The following ADAMTS15 variants were observed in gnomAD, a reference collection of about 807,000 sequenced individuals.
The protein encoded by ADAMTS15 is ADAM metallopeptidase with thrombospondin type 1 motif 15.
In ADAMTS15, 35 loss-of-function variants were observed where a neutral mutation model predicts 79.1. The observed-to-expected ratio is 0.44, with a 90% CI of 0.34 to 0.59. ADAMTS15 has a LOEUF of 0.59. ADAMTS15 is among the 20% of genes least tolerant of loss of function. The pLI, the probability that ADAMTS15 is intolerant of heterozygous loss-of-function variation, is 0.02. For missense variants in ADAMTS15, 1,324 were observed against 1,318.7 expected (o/e 1.00, Z -0.06); for synonymous variants, 616 against 567.3 (o/e 1.09, Z -1.22).
At position 130,475,729 on chromosome 11, in the gene ADAMTS15, T is replaced by A. The variant is rs1938570896; in HGVS notation, c.*1908T>A. 1 of 152,394 alleles carries A rather than the reference T, an allele frequency of 6.6e-6. No individual in the cohort carries two copies. Among genetic ancestry groups the A allele is most frequent in the Non-Finnish European group, 1.5e-5 (1 of 68,162 alleles). The allele number at this position is 152,394 out of a possible 1,614,324, so 9.4% of individuals were successfully genotyped here. A position where few individuals can be genotyped will look rare whatever the true frequency, so the allele number is the denominator to read the frequency against. On this transcript the variant is annotated 3_prime_UTR_variant, in exon 8 of 8. Transcript: ENST00000299164. ...AGAACTAAGTGAACAGGAACCCCTC[T>A]GTGCCAGTGACCACTGTGGGGCTAA...
intron 5 of ADAMTS15, among the ~76,000 whole-genome samples, chr11:130,469,793 A>G (rs1938383081): frequency 6.6e-6 from 1 of 152,180 alleles, no homozygotes; most frequent in Non-Finnish European, 1.5e-5. Context: ...TGCCCAGCCC[A>G]TCTTTGTAAG....
chr11:130,466,351 T>A (rs1033174482), intron 4 of ADAMTS15, among the ~76,000 whole-genome samples: 2 of 152,196 alleles, frequency 1.3e-5, no homozygotes, highest in African/African-American at 4.8e-5. Flanking sequence ...ACAGACTTGC[T>A]TCTCTAAGGG....
At chr11:130,453,228 C>T (rs1206526646) in intron 1 of ADAMTS15, among the ~76,000 whole-genome samples, 1 of 151,480 alleles carries the variant, frequency 6.6e-6, no homozygotes, top group Admixed American at 6.6e-5. Context: ...GATGCCCTCT[C>T]CTCCATTCCA....
chr11:130,457,799 C>T (rs774909423), intron 1 of ADAMTS15, among the ~76,000 whole-genome samples: 2 of 152,172 alleles, frequency 1.3e-5, no homozygotes, highest in African/African-American at 2.4e-5. Context: ...CACTCGTAGG[C>T]GTTCAAAGTG....
At chr11:130,450,398 G>T (rs1224407263) in intron 1 of ADAMTS15, 1 of 985,346 alleles carries the variant, frequency 1.0e-6, no homozygotes, top group African/African-American at 1.7e-5. Context: ...CAAGGTCAGC[G>T]CTTGCTACAT....
intron 1 of ADAMTS15, among the ~76,000 whole-genome samples, chr11:130,457,718 C>T (rs1335758248): frequency 6.6e-6 from 1 of 152,178 alleles, no homozygotes; most frequent in Non-Finnish European, 1.5e-5. Flanking sequence ...GTTTTAGTGC[C>T]TCTGAGTTCA....
intron 4 of ADAMTS15, among the ~76,000 whole-genome samples, chr11:130,466,682 C>T (rs1406439463): frequency 6.6e-6 from 1 of 152,214 alleles, no homozygotes; most frequent in Non-Finnish European, 1.5e-5. Flanking sequence ...CAGATGATTC[C>T]CGCCATGGCA....
At chr11:130,465,788 T>G (rs1454557536) in intron 4 of ADAMTS15, among the ~76,000 whole-genome samples, 2 of 151,946 alleles carry the variant, frequency 1.3e-5, no homozygotes, top group Non-Finnish European at 2.9e-5. Flanking sequence ...GTTGTCCTCC[T>G]CCTCCTCACG....
rs869166777 is a variant in ADAMTS15, at chr11:130,470,154, GTATATATATA to G, written c.1720+733_1721-739del. On this transcript the variant is annotated intron_variant, in intron 5 of 7. Transcript: ENST00000299164. ...TATACATATATATATATATATATGT[GTATATATATA>G]TATATATATATATATATGTGTGTAT... 4.1e-4 allele frequency among the ~76,000 whole-genome samples: 23 copies of G among 55,554 alleles called. 3 individuals carry two copies. Among genetic ancestry groups the G allele is most frequent in the East Asian group, 3.3e-3 (8 of 2,418 alleles). 36.4% of individuals were successfully genotyped at this position (55,554 alleles called of 152,430 possible).
At chr11:130,455,892 G>T (rs1019120531) in intron 1 of ADAMTS15, among the ~76,000 whole-genome samples, 1 of 152,142 alleles carries the variant, frequency 6.6e-6, no homozygotes, top group Non-Finnish European at 1.5e-5. Flanking sequence ...CTCTCCCCAG[G>T]CCTCTCCCCA....
Position 130,473,366 on chromosome 11 carries a change from C to G in ADAMTS15, c.2398C>G (p.Leu800Val). Residue 800 changes from leucine to valine, a missense_variant, in exon 8 of 8, where the codon CTG becomes GTG. Transcript: ENST00000299164. ...TPPRVRYSFY[L>V]PKEPREDKSS... ...GCCCCGGGTCCGCTACTCCTTCTAT[C>G]TGCCCAAAGAGCCTCGGGAGGACAA... 2.5e-6 allele frequency: 4 copies of G among 1,612,882 alleles called. No individual in the cohort carries two copies. The South Asian group carries it at 4.4e-5, about 18-fold the overall frequency.
At chr11:130,471,613 A>T (rs1938462559) in intron 7 of ADAMTS15, among the ~76,000 whole-genome samples, 1 of 152,136 alleles carries the variant, frequency 6.6e-6, no homozygotes, top group Non-Finnish European at 1.5e-5. Flanking sequence ...TGCTGGGGGA[A>T]GACCCACTTA....
chr11:130,470,150 A>ATATG (rs1565397590), intron 5 of ADAMTS15, among the ~76,000 whole-genome samples: 1 of 53,174 alleles, frequency 1.9e-5, no homozygotes, highest in African/African-American at 9.0e-5. Flanking sequence ...ATATATATAT[A>ATATG]TGTGTATATA....
intron 1 of ADAMTS15, among the ~76,000 whole-genome samples, chr11:130,457,794 G>A (rs904487939): frequency 9.2e-5 from 14 of 152,186 alleles, no homozygotes; most frequent in African/African-American, 2.2e-4. Flanking sequence ...ATAAGCACTC[G>A]TAGGCGTTCA....
rs144558172 is a variant in ADAMTS15 at position 130,473,462 on chromosome 11, G to A, written c.2494G>A (p.Val832Met). ...HNSVLSLSNQ[V>M]EQPDDRPPAR... Reference sequence around the variant, plus strand: ...CAGCGTCCTCAGCCTCTCCAACCAGGTGGAGCAGCCGGACGACAGGCCCCC... The same window carrying A: ...CAGCGTCCTCAGCCTCTCCAACCAGATGGAGCAGCCGGACGACAGGCCCCC... The change falls in exon 8 of 8, where the codon GTG becomes ATG. Residue 832 changes from valine (V) to methionine (M), a missense_variant. Val to Met is a conservative substitution (Grantham distance 21). Transcript: ENST00000299164. 218 of 1,612,224 alleles carry A rather than the reference G, an allele frequency of 1.4e-4. No homozygotes were observed. The highest frequency in any genetic ancestry group is 1.6e-4 in the Middle Eastern group (1 of 6,084).
At position 130,449,622 on chromosome 11, in the gene ADAMTS15, C is replaced by A; in HGVS notation, c.649C>A (p.Pro217Thr). The change falls in exon 1 of 8, where the codon CCG becomes ACG. Residue 217 changes from proline to threonine, a missense_variant. Pro to Thr is a conservative substitution (Grantham distance 38). Coordinates refer to ENST00000299164, the MANE Select transcript of ADAMTS15 (RefSeq NM_139055.4). The surrounding 1 kb of genome is among the most constrained non-coding windows in gnomAD (Gnocchi z 7.8). ...SGRAKRFVSI[P>T]RYVETLVVAD... ...GCGCGCCAAGCGTTTCGTGTCTATC[C>A]CGCGGTACGTGGAGACGCTGGTGGT... 6.2e-7 allele frequency: 1 copy of A among 1,605,312 alleles called. No homozygotes were observed. The highest frequency in any genetic ancestry group is 8.5e-7 in the Non-Finnish European group (1 of 1,176,456).
At chr11:130,457,231 A>C (rs985796482) in intron 1 of ADAMTS15, among the ~76,000 whole-genome samples, 18 of 91,654 alleles carry the variant, frequency 2.0e-4, no homozygotes, top group South Asian at 5.4e-4. Flanking sequence ...ACTCAGTCTC[A>C]AAAAAAAAAA....
chr11:130,469,185 G>A, intron 4 of ADAMTS15, 77 bp from the exon 5 acceptor site: 1 of 1,272,906 alleles, frequency 7.9e-7, no homozygotes, highest in Non-Finnish European at 1.0e-6. Context: ...AGGCTGTACA[G>A]TGTAGTTTTC....
In ADAMTS15 at chr11:130,469,308, G is replaced by C; in HGVS notation, c.1589G>C (p.Arg530Pro). The change falls in exon 5 of 8, where the codon CGC becomes CCC. Residue 530 changes from arginine to proline, a missense_variant. By Grantham distance (103) the Arg-to-Pro change is moderately radical. Transcript: ENST00000299164. ...AKWDPYGPCS[R>P]TCGGGVQLAR... ...TGGGATCCCTATGGCCCCTGCTCGC[G>C]CACATGTGGTGGGGGCGTGCAGCTG... 1 of 1,400,390 alleles carries C rather than the reference G, an allele frequency of 7.1e-7. No homozygotes were observed. Among genetic ancestry groups the C allele is most frequent in the Non-Finnish European group, 9.3e-7 (1 of 1,072,198 alleles). 86.7% of individuals were successfully genotyped at this position (1,400,390 alleles called of 1,614,324 possible).
Sources: gnomAD v4.1 joint callset for allele counts (sites outside exome capture counted in the v4.1 genomes callset) on GRCh38, gnomAD v4.1.1 for gene constraint, Gnocchi (gnomAD v3.1) non-coding constraint, MANE v1.5 for transcripts, NCBI Gene and HGNC (gene_info 2026-07-23, HGNC 2026-07-21) for gene names.